The following AGO2 variants were observed in gnomAD, a reference collection of about 807,000 sequenced individuals.
AGO2 encodes the protein protein argonaute-2.
AGO2 carries 5 observed loss-of-function variants against 102.3 expected under a neutral mutation model. The observed-to-expected ratio is 0.05, with a 90% CI of 0.03 to 0.10. The LOEUF is 0.10. Among genes scored for constraint, AGO2 ranks in the 10% least tolerant of loss-of-function variants. AGO2 has a pLI of 1.00. For missense variants in AGO2, 541 were observed against 1,183.7 expected, an observed-to-expected ratio of 0.46 and a Z score of 7.97; for synonymous variants, 449 against 473.1, an observed-to-expected ratio of 0.95 and a Z score of 0.66.
In AGO2 at chr8:140,552,740, GCACACACA is replaced by G. The variant is rs58668484; in HGVS notation, c.1270-1312_1270-1305del. On this transcript the variant is annotated intron_variant, in intron 10 of 18. Transcript: ENST00000220592. ...CACACGCACATGCACGCGCGCGCGC[GCACACACA>G]CACACACACACACACACACACACAC... Among the ~76,000 whole-genome samples, 792 of 130,944 alleles carry G rather than the reference GCACACACA, an allele frequency of 6.0e-3. 7 individuals carry two copies. The highest frequency in any genetic ancestry group is 0.021 in the African/African-American group (685 of 32,900). 85.9% of individuals were successfully genotyped at this position (130,944 alleles called of 152,430 possible).
At position 140,597,514 on chromosome 8, in the gene AGO2, G is replaced by A. The variant is rs2073866621; in HGVS notation, c.23-12203C>T. On this transcript the variant is annotated intron_variant, in intron 1 of 18. Coordinates refer to ENST00000220592, the MANE Select transcript of AGO2 (RefSeq NM_012154.5). Reference sequence around the variant, plus strand: ...CCCCAGGCCTCCCTGCCTGAGTGAGGGGCCCTTTCCTGGGGGATGGCCTCC... The same window carrying A: ...CCCCAGGCCTCCCTGCCTGAGTGAGAGGCCCTTTCCTGGGGGATGGCCTCC... 5.4e-5 allele frequency among the ~76,000 whole-genome samples: 5 copies of A among 92,228 alleles called. No individual in the cohort carries two copies. The South Asian group carries it at 1.5e-3, about 28-fold the overall frequency. 60.5% of individuals were successfully genotyped at this position (92,228 alleles called of 152,430 possible).
chr8:140,572,714 T>C (rs946536012), intron 3 of AGO2, 98 bp downstream of exon 3: 2 of 1,485,200 alleles, frequency 1.3e-6, no homozygotes, highest in African/African-American at 2.8e-5. Context: ...CTCAGTGAAA[T>C]AGTTTCGTGT....
At chr8:140,541,053 G>T in intron 15 of AGO2, 111 bp downstream of exon 15, 2 of 1,276,802 alleles carry the variant, frequency 1.6e-6, no homozygotes, top group Non-Finnish European at 1.1e-6. Flanking sequence ...CAGCCTTGGG[G>T]CCGAATGAGA....
At chr8:140,632,087 CA>C (rs2074349327) in intron 1 of AGO2, among the ~76,000 whole-genome samples, 1 of 152,226 alleles carries the variant, frequency 6.6e-6, no homozygotes, top group Non-Finnish European at 1.5e-5. Flanking sequence ...CACTGTACAA[CA>C]CACAGAGAAT....
intron 1 of AGO2, among the ~76,000 whole-genome samples, chr8:140,608,953 C>G (rs553026085): frequency 6.6e-6 from 1 of 152,350 alleles, no homozygotes; most frequent in Non-Finnish European, 1.5e-5. Context: ...ACAGGCCCTC[C>G]CCACCCACTG....
At chr8:140,545,891 C>A (rs1274660604) in intron 13 of AGO2, among the ~76,000 whole-genome samples, 1 of 152,234 alleles carries the variant, frequency 6.6e-6, no homozygotes, top group Non-Finnish European at 1.5e-5. Context: ...CCCCAGCTCA[C>A]CAGAGGGAGC....
Position 140,619,310 on chromosome 8 carries a change from A to C in AGO2, c.22+16175T>G, listed in dbSNP as rs148399840. On this transcript the variant is annotated intron_variant, in intron 1 of 18. Coordinates refer to ENST00000220592, the MANE Select transcript of AGO2 (RefSeq NM_012154.5). ...AACAGGCACTGTAAGTACACCACCA[A>C]CAACGACCTCACTTTCCACTCTGGA... Among the ~76,000 whole-genome samples the C allele has an allele frequency of 4.7e-4, 71 of 152,328 alleles. 1 individual carries two copies. In the South Asian group the frequency reaches 1.0e-2, roughly 21 times the overall value.
chr8:140,549,377 G>T (rs2072956674), intron 11 of AGO2, 79 bp from the exon 12 acceptor site: 1 of 1,425,334 alleles, frequency 7.0e-7, no homozygotes, highest in African/African-American at 1.4e-5. Context: ...CTAACACAAG[G>T]GCGTCATTTT....
intron 1 of AGO2, among the ~76,000 whole-genome samples, chr8:140,632,633 T>C (rs2074355935): frequency 6.6e-6 from 1 of 152,202 alleles, no homozygotes; most frequent in African/African-American, 2.4e-5. Context: ...TCAAGACCTT[T>C]AAATGGTTAA....
At chr8:140,588,562 G>C (rs1258155411) in intron 1 of AGO2, among the ~76,000 whole-genome samples, 1 of 143,804 alleles carries the variant, frequency 7.0e-6, no homozygotes, top group Non-Finnish European at 1.5e-5. Flanking sequence ...CCATTTGTGA[G>C]GGAAGGAGGG....
chr8:140,631,148 C>A (rs997590578), intron 1 of AGO2, among the ~76,000 whole-genome samples: 2 of 152,008 alleles, frequency 1.3e-5, no homozygotes, highest in Admixed American at 1.3e-4. Context: ...CAAAACGGAG[C>A]CCAAAAAACA....
At chr8:140,603,745 C>T (rs1249008979) in intron 1 of AGO2, among the ~76,000 whole-genome samples, 2 of 152,268 alleles carry the variant, frequency 1.3e-5, no homozygotes, top group Non-Finnish European at 2.9e-5. Flanking sequence ...GAGGGGCTTG[C>T]TCCAGCCCCA....
chr8:140,641,573 CAATT>C, the AGO2 span, among the ~76,000 whole-genome samples: 1 of 152,048 alleles, frequency 6.6e-6, no homozygotes, highest in Non-Finnish European at 1.5e-5. Flanking sequence ...ATACTAATGA[CAATT>C]AAAAATAAAA....
intron 1 of AGO2, among the ~76,000 whole-genome samples, chr8:140,616,176 C>T (rs770586540): frequency 1.5e-4 from 23 of 152,202 alleles, no homozygotes; most frequent in Non-Finnish European, 1.2e-4. Context: ...GAACCCTAAC[C>T]GCCATCCCAT....
intron 2 of AGO2, among the ~76,000 whole-genome samples, chr8:140,577,565 A>C (rs972762136): frequency 2.6e-5 from 4 of 152,236 alleles, no homozygotes; most frequent in African/African-American, 9.6e-5. Context: ...TAGAAGTAGA[A>C]ATCTGAGGAC....
At chr8:140,535,805 G>A (rs1179717855) in intron 16 of AGO2, among the ~76,000 whole-genome samples, 1 of 152,226 alleles carries the variant, frequency 6.6e-6, no homozygotes, top group Non-Finnish European at 1.5e-5. Context: ...TCTCATGAAG[G>A]CCCATGAGTT....
At chr8:140,579,011 T>C in intron 2 of AGO2, among the ~76,000 whole-genome samples, 1 of 152,200 alleles carries the variant, frequency 6.6e-6, no homozygotes, top group East Asian at 1.9e-4. Flanking sequence ...CACATAACGA[T>C]AAAGCTAAAA....
chr8:140,635,089 G>A (rs1326223966), intron 1 of AGO2, among the ~76,000 whole-genome samples: 1 of 147,604 alleles, frequency 6.8e-6, no homozygotes, highest in Non-Finnish European at 1.5e-5. Flanking sequence ...CAGCGAGGCC[G>A]GGCCAAGCGG....
chr8:140,605,200 T>C (rs2073981782), intron 1 of AGO2, among the ~76,000 whole-genome samples: 1 of 152,144 alleles, frequency 6.6e-6, no homozygotes, highest in Non-Finnish European at 1.5e-5. Context: ...GCTCAAGCAA[T>C]CTTCCCACCT....
Sources: gnomAD v4.1 joint callset for allele counts (sites outside exome capture counted in the v4.1 genomes callset) on GRCh38, gnomAD v4.1.1 for gene constraint, MANE v1.5 for transcripts, NCBI Gene and HGNC (gene_info 2026-07-23, HGNC 2026-07-21) for gene names.